TMEM132B: variants seen among roughly 807,000 people sequenced by gnomAD.
The protein encoded by TMEM132B is transmembrane protein 132B.
Under a neutral mutation model 90.8 loss-of-function variants are expected in TMEM132B, and 18 were observed. The ratio of observed to expected loss-of-function variants is 0.20; its 90% CI spans 0.14 to 0.29. The LOEUF (loss-of-function observed/expected upper bound fraction) is 0.29. Ranked by LOEUF, TMEM132B falls within the 10% of genes least tolerant of loss-of-function variation. TMEM132B has a pLI of 1.00. For missense variants in TMEM132B, 1,096 were observed against 1,326.8 expected (o/e 0.83, Z 2.70); for synonymous variants, 504 against 523.3 (o/e 0.96, Z 0.50).
chr12:125,536,072 C>T (rs1383613550), intron 4 of TMEM132B, among the ~76,000 whole-genome samples: 1 of 152,298 alleles, frequency 6.6e-6, no homozygotes, highest in East Asian at 1.9e-4. Flanking sequence ...GGAGCTGCCC[C>T]TGTTTTCCAC....
intron 3 of TMEM132B, among the ~76,000 whole-genome samples, chr12:125,505,374 T>A (rs1371372165): frequency 6.6e-6 from 1 of 151,898 alleles, no homozygotes; most frequent in East Asian, 1.9e-4. Context: ...GTTGAAGTTG[T>A]AGAACTGAAA....
At chr12:125,502,621 G>T (rs1389467665) in intron 3 of TMEM132B, among the ~76,000 whole-genome samples, 4 of 152,204 alleles carry the variant, frequency 2.6e-5, no homozygotes, top group African/African-American at 9.6e-5. Flanking sequence ...GGAAGTATTT[G>T]GGAAAGGTCA....
rs778507467 is a variant in TMEM132B, at chr12:125,349,788, A to T, written c.404A>T (p.Tyr135Phe). ...LKSHILDSSI[Y>F]SNRPKVQTLF... ...TCCCACATCCTTGACAGCTCCATCT[A>T]CTCCAACAGACCCAAAGTGCAGACC... is the stretch of plus-strand genomic sequence containing the variant. Residue 135 changes from tyrosine to phenylalanine, a missense_variant, in exon 2 of 9, where the codon TAC (tyrosine) becomes TTC (phenylalanine). By Grantham distance (22) the Tyr-to-Phe change is conservative. Transcript: ENST00000682704. The surrounding 1 kb of genome is among the most constrained non-coding windows in gnomAD (Gnocchi z 4.1). The T allele has an allele frequency of 6.2e-7, 1 of 1,614,108 alleles. No homozygotes were observed. The highest frequency in any genetic ancestry group is 1.1e-5 in the South Asian group (1 of 91,074).
Position 125,407,931 on chromosome 12 carries a change from G to A in TMEM132B, c.960-7600G>A, listed in dbSNP as rs557486708. Among the ~76,000 whole-genome samples, 24 of 152,282 alleles carry A rather than the reference G, an allele frequency of 1.6e-4. No homozygotes were observed. Among genetic ancestry groups the A allele is most frequent in the East Asian group, 3.9e-4 (2 of 5,172 alleles). On this transcript the variant is annotated intron_variant, in intron 2 of 8. Coordinates refer to ENST00000682704, the MANE Select transcript of TMEM132B (RefSeq NM_001366854.1). The surrounding 1 kb of genome is among the most constrained non-coding windows in gnomAD (Gnocchi z 6.7). Reference sequence around the variant, plus strand: ...TACATGCAGAAGAGTCCACATAAGCGAGCACAGACTGATGAGTTCTCACAA... The same window carrying A: ...TACATGCAGAAGAGTCCACATAAGCAAGCACAGACTGATGAGTTCTCACAA...
intron 2 of TMEM132B, among the ~76,000 whole-genome samples, chr12:125,353,131 C>T (rs1192396951): frequency 2.0e-5 from 3 of 152,188 alleles, no homozygotes; most frequent in Admixed American, 2.0e-4. Flanking sequence ...TGCCTCTCAG[C>T]ACTCCCTCTA....
At chr12:125,454,364 C>G (rs1046361711) in intron 3 of TMEM132B, among the ~76,000 whole-genome samples, 1 of 150,696 alleles carries the variant, frequency 6.6e-6, no homozygotes, top group Non-Finnish European at 1.5e-5. Context: ...AAGTGCCTGC[C>G]TACAGCCAGC....
At chr12:125,335,771 G>A (rs1391325507) in intron 1 of TMEM132B, among the ~76,000 whole-genome samples, 1 of 152,190 alleles carries the variant, frequency 6.6e-6, no homozygotes, top group African/African-American at 2.4e-5. Flanking sequence ...AGGATCACTT[G>A]AGATCAGGAG....
intron 3 of TMEM132B, among the ~76,000 whole-genome samples, chr12:125,435,317 G>C (rs1244399223): frequency 6.6e-6 from 1 of 152,186 alleles, no homozygotes; most frequent in Non-Finnish European, 1.5e-5. Flanking sequence ...GTGGTCAGTT[G>C]CCAGGAAGGG....
intron 1 of TMEM132B, among the ~76,000 whole-genome samples, chr12:125,337,209 G>C (rs1876993704): frequency 6.6e-6 from 1 of 152,112 alleles, no homozygotes; most frequent in Non-Finnish European, 1.5e-5. Flanking sequence ...TTTTTAGTAG[G>C]GATGGGACCA....
At chr12:125,339,200 C>CAT (rs1877085609) in intron 1 of TMEM132B, among the ~76,000 whole-genome samples, 1 of 152,158 alleles carries the variant, frequency 6.6e-6, no homozygotes. Context: ...CTAGGGCTGC[C>CAT]ATAACAAAGT....
At chr12:125,559,509 G>T (rs772280517) in intron 4 of TMEM132B, among the ~76,000 whole-genome samples, 1 of 152,188 alleles carries the variant, frequency 6.6e-6, no homozygotes, top group Non-Finnish European at 1.5e-5. Flanking sequence ...GAGAAGATGC[G>T]AGTTCCTGCC....
intron 5 of TMEM132B, among the ~76,000 whole-genome samples, chr12:125,619,574 C>T (rs932385508): frequency 1.3e-5 from 2 of 151,828 alleles, no homozygotes; most frequent in African/African-American, 4.8e-5. Flanking sequence ...CATGTTAGCC[C>T]GGCTGGTCTT....
chr12:125,221,913 T>C (rs1479413200), intron 1 of TMEM132B, among the ~76,000 whole-genome samples: 2 of 152,194 alleles, frequency 1.3e-5, no homozygotes, highest in East Asian at 3.9e-4. Context: ...CTAGCGTGGT[T>C]GGGGCAATCC....
intron 3 of TMEM132B, among the ~76,000 whole-genome samples, chr12:125,465,680 C>T (rs75976556): frequency 0.03 from 4,525 of 152,276 alleles, 141 homozygotes; most frequent in Admixed American, 0.097. Context: ...ATCTTACATA[C>T]TTTATTGCAA....
Position 125,350,062 on chromosome 12 carries a change from C to G in TMEM132B, c.678C>G (p.Leu226=), listed in dbSNP as rs1443835466. 2 of 1,614,126 alleles carry G rather than the reference C, an allele frequency of 1.2e-6. No homozygotes were observed. Among genetic ancestry groups the G allele is most frequent in the African/African-American group, 1.3e-5 (1 of 74,944 alleles). The change falls in exon 2 of 9, where the codon CTC becomes CTG. Residue 226 remains leucine, a synonymous_variant. Transcript: ENST00000682704. ...CCACGATGGAGCTCTTCTTCACGCT[C>G]TACCCAGCTGACAAGGCTGGCCAGT... ...GGTTMELFFT[L]YPADKAGQCP... is the part of the protein sequence containing the mutation.
chr12:125,269,915 C>T (rs1874787279), intron 1 of TMEM132B, among the ~76,000 whole-genome samples: 1 of 151,988 alleles, frequency 6.6e-6, no homozygotes, highest in African/African-American at 2.4e-5. Context: ...CCAGATGTGC[C>T]TCCCACATTC....
intron 3 of TMEM132B, among the ~76,000 whole-genome samples, chr12:125,453,322 T>C (rs934329287): frequency 6.6e-6 from 1 of 152,150 alleles, no homozygotes; most frequent in African/African-American, 2.4e-5. Context: ...TGATAAGAAG[T>C]GTCAGCATGG....
At chr12:125,263,268 C>G (rs189270694) in intron 1 of TMEM132B, among the ~76,000 whole-genome samples, 8 of 152,310 alleles carry the variant, frequency 5.3e-5, no homozygotes, top group Non-Finnish European at 1.2e-4. Flanking sequence ...ATGGGAGCAG[C>G]TGTTTTTCTG....
At chr12:125,325,749 G>A (rs7966552) in intron 1 of TMEM132B, among the ~76,000 whole-genome samples, 101,795 of 149,406 alleles carry the variant, frequency 0.68, 35,144 homozygotes, top group East Asian at 0.82. Context: ...TTTTGTTGTC[G>A]TTGTTGTTGT....
Sources: allele counts gnomAD v4.1 joint callset (sites outside exome capture counted in the v4.1 genomes callset), GRCh38; gene constraint gnomAD v4.1.1; non-coding constraint Gnocchi (gnomAD v3.1); transcripts MANE v1.5; gene names NCBI Gene and HGNC (gene_info 2026-07-23, HGNC 2026-07-21).